The following IRF6 variants were observed in gnomAD, a reference collection of about 807,000 sequenced individuals.
IRF6 encodes the protein Van der Woude syndrome.
A neutral mutation model predicts 51.4 loss-of-function variants in IRF6; 6 were observed. The observed-to-expected ratio is 0.12, with a 90% CI of 0.06 to 0.23. The LOEUF is 0.23. Among genes scored for constraint, IRF6 ranks in the 10% least tolerant of loss-of-function variants. IRF6 has a pLI of 1.00. For missense variants in IRF6, 348 were observed against 585.2 expected (o/e 0.59, Z 4.18); for synonymous variants, 178 against 215.7 (o/e 0.83, Z 1.53).
chr1:209,800,743 G>A (rs2077935748), intron 3 of IRF6, among the ~76,000 whole-genome samples: 1 of 152,112 alleles, frequency 6.6e-6, no homozygotes, highest in African/African-American at 2.4e-5. Context: ...CTGGTTGACA[G>A]AGCAAGACCA....
Position 209,785,991 on chromosome 1 carries a change from GT to G in IRF6, c.*2428del, listed in dbSNP as rs1254044232. 3 of 152,204 alleles carry G rather than the reference GT, an allele frequency of 2.0e-5. No homozygotes were observed. The highest frequency in any genetic ancestry group is 7.2e-5 in the African/African-American group (3 of 41,432). 9.4% of individuals were successfully genotyped at this position (152,204 alleles called of 1,614,324 possible). A position where few individuals can be genotyped will look rare whatever the true frequency, so the allele number is the denominator to read the frequency against. ...GTTCTTTTTAACTTGAACTAATCTT[GT>G]TTGGTGGGGTACACAGTGAGGAAAA... is the stretch of plus-strand genomic sequence containing the variant. On this transcript the variant is annotated 3_prime_UTR_variant, in exon 9 of 9. Transcript: ENST00000367021.
chr1:209,791,034 G>T, intron 6 of IRF6, 147 bp from the exon 7 acceptor site: 1 of 1,545,732 alleles, frequency 6.5e-7, no homozygotes. Flanking sequence ...TGCAATAAAG[G>T]GAGACATCAA....
At chr1:209,798,409 C>T (rs774704233) in intron 3 of IRF6, among the ~76,000 whole-genome samples, 3 of 152,194 alleles carry the variant, frequency 2.0e-5, no homozygotes, top group Non-Finnish European at 2.9e-5. Flanking sequence ...CCAGCTGACT[C>T]GGGCTATGAA....
rs934436973 is a variant in IRF6 at position 209,795,322 on chromosome 1, A to C, written c.476T>G (p.Ile159Ser). 8 of 1,614,196 alleles carry C rather than the reference A, an allele frequency of 5.0e-6. No homozygotes were observed. The highest frequency in any genetic ancestry group is 6.8e-6 in the Non-Finnish European group (8 of 1,180,020). ...ELDQSQHHVP[I>S]QDTFPFLNIN... The stretch of plus-strand genomic sequence containing the variant: ...GTTCAGGAAGGGGAAGGTGTCCTGG[A>C]TGGGAACATGGTGCTGCGACTGATC... The change falls in exon 5 of 9, where the codon ATC (isoleucine) becomes AGC (serine). Residue 159 changes from isoleucine (I) to serine (S), a missense_variant. Coordinates refer to ENST00000367021, the MANE Select transcript of IRF6 (RefSeq NM_006147.4).
chr1:209,799,605 T>C (rs1294253037), intron 3 of IRF6, among the ~76,000 whole-genome samples: 1 of 152,160 alleles, frequency 6.6e-6, no homozygotes, highest in Non-Finnish European at 1.5e-5. Flanking sequence ...CAGCCCAATT[T>C]TCCTCAAGCC....
Position 209,796,641 on chromosome 1 carries a change from ACAC to A in IRF6, c.175-92_175-90del. 1 of 644,706 alleles carries A rather than the reference ACAC, an allele frequency of 1.6e-6. No individual in the cohort carries two copies. The highest frequency in any genetic ancestry group is 1.9e-5 in the South Asian group (1 of 53,998). The allele number at this position is 644,706 out of a possible 1,614,324, so 39.9% of individuals were successfully genotyped here. On this transcript the variant is annotated intron_variant, in intron 3 of 8. Coordinates refer to ENST00000367021, the MANE Select transcript of IRF6 (RefSeq NM_006147.4). This position sits in a 1 kb window ranked among gnomAD's most constrained non-coding sequence, Gnocchi z 4.5. ...CCCTTTCTCATAGACACAAACACAC[ACAC>A]ACACACACACACACACACACACACA...
In IRF6 at chr1:209,796,636, C is replaced by CACAA. The variant is rs1485397763; in HGVS notation, c.175-85_175-84insTTGT. On this transcript the variant is annotated intron_variant, in intron 3 of 8. Coordinates refer to ENST00000367021, the MANE Select transcript of IRF6 (RefSeq NM_006147.4). This position sits in a 1 kb window ranked among gnomAD's most constrained non-coding sequence, Gnocchi z 4.5. ...GCTTACCCTTTCTCATAGACACAAA[C>CACAA]ACACACACACACACACACACACACA... 8.3e-5 allele frequency: 26 copies of CACAA among 314,278 alleles called. No individual in the cohort carries two copies. The East Asian group carries it at 2.1e-3, about 25-fold the overall frequency. The allele number at this position is 314,278 out of a possible 1,614,324, so 19.5% of individuals were successfully genotyped here.
At position 209,786,086 on chromosome 1, in the gene IRF6, A is replaced by G. The variant is rs1479081856; in HGVS notation, c.*2334T>C. 1 of 152,232 alleles carries G rather than the reference A, an allele frequency of 6.6e-6. No individual in the cohort carries two copies. The highest frequency in any genetic ancestry group is 1.5e-5 in the Non-Finnish European group (1 of 68,044). 9.4% of individuals were successfully genotyped at this position (152,232 alleles called of 1,614,324 possible). Reference sequence around the variant, plus strand: ...CAAGGTGAAGGCAAGGGAGTAGAAGATATCAAGGGAGTGAGTGGTGGTAGC... The same window carrying G: ...CAAGGTGAAGGCAAGGGAGTAGAAGGTATCAAGGGAGTGAGTGGTGGTAGC... On this transcript the variant is annotated 3_prime_UTR_variant, in exon 9 of 9. Coordinates refer to ENST00000367021, the MANE Select transcript of IRF6 (RefSeq NM_006147.4).
intron 3 of IRF6, among the ~76,000 whole-genome samples, chr1:209,799,960 G>C (rs1163049018): frequency 1.3e-5 from 2 of 152,124 alleles, no homozygotes; most frequent in Admixed American, 1.3e-4. Flanking sequence ...ACATCCTAAG[G>C]ATGGCTTTCT....
intron 5 of IRF6, among the ~76,000 whole-genome samples, chr1:209,794,124 T>G (rs1043568763): frequency 1.9e-4 from 29 of 152,204 alleles, no homozygotes; most frequent in Non-Finnish European, 5.9e-5. Context: ...GTGATTCTGT[T>G]TCAAGTTCTT....
intron 5 of IRF6, chr1:209,792,691 G>A (rs11811534): frequency 0.018 from 9,099 of 519,056 alleles, 645 homozygotes; most frequent in African/African-American, 0.16. Context: ...AGACATGTGA[G>A]TTTTCTCTGG....
intron 6 of IRF6, among the ~76,000 whole-genome samples, chr1:209,791,548 T>C (rs2077869250): frequency 6.6e-6 from 1 of 152,216 alleles, no homozygotes; most frequent in Non-Finnish European, 1.5e-5. Flanking sequence ...GATAAATTCG[T>C]ACCAAATTCA....
At position 209,790,507 on chromosome 1, in the gene IRF6, T is replaced by C. The variant is rs1199593706; in HGVS notation, c.1048A>G (p.Thr350Ala). ...AGAAATGACTTACCGCTAAGGAATG[T>C]TTCCAGACAAAATAGCTTGACCTTC... Reference protein sequence around the residue: ...QKKVKLFCLETFLSDLIAHQK... With the variant: ...QKKVKLFCLEAFLSDLIAHQK... The change falls in exon 7 of 9, where the codon ACA becomes GCA. Residue 350 changes from threonine to alanine, a missense_variant. Thr to Ala is a moderately conservative substitution (Grantham distance 58). This residue lies in a region of IRF6 where 125 missense variants were observed against 222.0 expected (regional missense o/e 0.56). Coordinates refer to ENST00000367021, the MANE Select transcript of IRF6 (RefSeq NM_006147.4). The surrounding 1 kb of genome is among the most constrained non-coding windows in gnomAD (Gnocchi z 4.8). The C allele has an allele frequency of 1.2e-6, 2 of 1,613,858 alleles. No individual in the cohort carries two copies. Among genetic ancestry groups the C allele is most frequent in the African/African-American group, 2.7e-5 (2 of 74,914 alleles).
rs138798137 is a variant in IRF6 at position 209,796,958 on chromosome 1, T to G, written c.175-406A>C. Among the ~76,000 whole-genome samples the G allele has an allele frequency of 1.6e-3, 250 of 152,362 alleles. No individual in the cohort carries two copies. Among genetic ancestry groups the G allele is most frequent in the Middle Eastern group, 6.8e-3 (2 of 294 alleles). ...ATTTCAAGTAACTTTTTTTCTTTGC[T>G]TATTCATTTTTGACATGAGTTGCTT... On this transcript the variant is annotated intron_variant, in intron 3 of 8. Coordinates refer to ENST00000367021, the MANE Select transcript of IRF6 (RefSeq NM_006147.4). This position sits in a 1 kb window ranked among gnomAD's most constrained non-coding sequence, Gnocchi z 4.5.
At position 209,801,436 on chromosome 1, in the gene IRF6, A is replaced by G. The variant is rs1226754565; in HGVS notation, c.-3-20T>C. 6.4e-7 allele frequency: 1 copy of G among 1,554,958 alleles called. No homozygotes were observed. The highest frequency in any genetic ancestry group is 2.3e-5 in the East Asian group (1 of 44,274). On this transcript the variant is annotated intron_variant, in intron 2 of 8. Coordinates refer to ENST00000367021, the MANE Select transcript of IRF6 (RefSeq NM_006147.4). ...CATGATCTGGGGGGGTCAGAGGGAG[A>G]AATGGGAAGAGCAGAAGAATTAGGC...
At chr1:209,804,979 T>C (rs1020419568) in intron 1 of IRF6, among the ~76,000 whole-genome samples, 1 of 152,158 alleles carries the variant, frequency 6.6e-6, no homozygotes, top group African/African-American at 2.4e-5. Flanking sequence ...TAGCCCTGCT[T>C]AGGGGTAAAC....
chr1:209,794,836 C>T (rs2077891039), intron 5 of IRF6, among the ~76,000 whole-genome samples: 1 of 152,178 alleles, frequency 6.6e-6, no homozygotes, highest in African/African-American at 2.4e-5. Flanking sequence ...GTACTATCAG[C>T]TACAGACATC....
intron 6 of IRF6, among the ~76,000 whole-genome samples, chr1:209,791,627 G>T (rs1175561841): frequency 2.0e-5 from 3 of 152,050 alleles, no homozygotes; most frequent in Non-Finnish European, 2.9e-5. Context: ...CAAATCCATG[G>T]CCATTAACCT....
rs2077846485 is a variant in IRF6, at chr1:209,788,346, G to C, written c.*74C>G. On this transcript the variant is annotated 3_prime_UTR_variant, in exon 9 of 9. Transcript: ENST00000367021. The stretch of plus-strand genomic sequence containing the variant: ...AGAGAAAAGAGAGATTTAAAAGCTG[G>C]TTAAATCTAAACAATAAAAAAATCC... 1 of 993,998 alleles carries C rather than the reference G, an allele frequency of 1.0e-6. No individual in the cohort carries two copies. The highest frequency in any genetic ancestry group is 1.6e-6 in the Non-Finnish European group (1 of 642,544). 61.6% of individuals were successfully genotyped at this position (993,998 alleles called of 1,614,324 possible). A position where few individuals can be genotyped will look rare whatever the true frequency, so the allele number is the denominator to read the frequency against.
Sources: allele counts gnomAD v4.1 joint callset (sites outside exome capture counted in the v4.1 genomes callset), GRCh38; gene constraint gnomAD v4.1.1; regional missense constraint gnomAD v4.1.1; non-coding constraint Gnocchi (gnomAD v3.1); transcripts MANE v1.5; gene names NCBI Gene and HGNC (gene_info 2026-07-23, HGNC 2026-07-21).